Variants in HTR1F observed in about 807,000 individuals in gnomAD.
The protein encoded by HTR1F is 5-hydroxytryptamine (serotonin) receptor 1F, G protein-coupled.
In HTR1F, 17 loss-of-function variants were observed where a neutral mutation model predicts 24.0. The observed-to-expected ratio is 0.71, with a 90% CI of 0.48 to 1.06. HTR1F has a LOEUF of 1.06. Ranked by LOEUF, HTR1F falls within the 50% of genes least tolerant of loss-of-function variation. The pLI is 0.00. For synonymous variants in HTR1F, 186 were observed against 156.8 expected (o/e 1.19, Z -1.39); for missense variants, 391 against 427.8 (o/e 0.91, Z 0.76).
rs1190866484 is a variant in HTR1F, at chr3:87,834,106, T to C, written c.-43+11982T>C. On this transcript the variant is annotated intron_variant, in intron 2 of 2. Transcript: ENST00000319595. ...CTATCTGATAGTACTGTTTGTAATTTATTTCAGTGGTTGTATTTCTAGGAC... is the reference window on the plus strand; with the variant it reads ...CTATCTGATAGTACTGTTTGTAATTCATTTCAGTGGTTGTATTTCTAGGAC... Among the ~76,000 whole-genome samples the C allele has an allele frequency of 3.9e-5, 6 of 152,306 alleles. No individual in the cohort carries two copies. In the East Asian group the frequency reaches 1.2e-3, roughly 29 times the overall value.
intron 2 of HTR1F, among the ~76,000 whole-genome samples, chr3:87,965,169 T>G (rs1187145380): frequency 6.6e-6 from 1 of 152,186 alleles, no homozygotes; most frequent in Non-Finnish European, 1.5e-5. Context: ...TGAAGTCACT[T>G]GTTGATGACC....
At chr3:87,983,587 T>C (rs989086452) in intron 2 of HTR1F, among the ~76,000 whole-genome samples, 26 of 152,190 alleles carry the variant, frequency 1.7e-4, no homozygotes, top group African/African-American at 6.3e-4. Context: ...AATGCTGGCC[T>C]ATTTTCTCAG....
Position 87,874,633 on chromosome 3 carries a change from G to GA in HTR1F, c.-43+52521dup, listed in dbSNP as rs34554143. Among the ~76,000 whole-genome samples, 1,091 of 134,046 alleles carry GA rather than the reference G, an allele frequency of 8.1e-3. 11 individuals carry two copies. Among genetic ancestry groups the GA allele is most frequent in the African/African-American group, 0.022 (857 of 38,538 alleles). 87.9% of individuals were successfully genotyped at this position (134,046 alleles called of 152,430 possible). A position where few individuals can be genotyped will look rare whatever the true frequency, so the allele number is the denominator to read the frequency against. On this transcript the variant is annotated intron_variant, in intron 2 of 2. Coordinates refer to ENST00000319595, the MANE Select transcript of HTR1F (RefSeq NM_001322209.2). ...CTCAAAGCATTTTTCTGCAAAAATA[G>GA]AAAAAAAAAAAACCCTAAAATTAAT...
chr3:87,914,491 T>A (rs1416410687), intron 2 of HTR1F, among the ~76,000 whole-genome samples: 2 of 152,024 alleles, frequency 1.3e-5, no homozygotes, highest in Non-Finnish European at 2.9e-5. Context: ...AAACACACAG[T>A]GCTGTTAGAG....
At chr3:87,938,420 T>C (rs926103254) in intron 2 of HTR1F, among the ~76,000 whole-genome samples, 3 of 152,156 alleles carry the variant, frequency 2.0e-5, no homozygotes, top group Non-Finnish European at 4.4e-5. Context: ...ACATTCTTCA[T>C]GGAACTAGAA....
intron 2 of HTR1F, among the ~76,000 whole-genome samples, chr3:87,937,003 A>G (rs1298146802): frequency 4.6e-5 from 7 of 151,328 alleles, no homozygotes; most frequent in Middle Eastern, 6.9e-3. Flanking sequence ...AACCAAAAAA[A>G]TCCCAGAACC....
chr3:87,853,693 G>A (rs921708173), intron 2 of HTR1F, among the ~76,000 whole-genome samples: 7 of 151,976 alleles, frequency 4.6e-5, no homozygotes, highest in Admixed American at 1.3e-4. Flanking sequence ...GTGTATAAGC[G>A]TTTCTTTTCC....
chr3:87,979,662 T>A (rs1705498835), intron 2 of HTR1F, among the ~76,000 whole-genome samples: 1 of 152,232 alleles, frequency 6.6e-6, no homozygotes, highest in African/African-American at 2.4e-5. Flanking sequence ...GGGCTTGTTC[T>A]GCCCACTCAG....
intron 2 of HTR1F, among the ~76,000 whole-genome samples, chr3:87,954,385 A>G (rs1297832127): frequency 6.6e-6 from 1 of 151,828 alleles, no homozygotes; most frequent in Non-Finnish European, 1.5e-5. Flanking sequence ...GCTGATAAAG[A>G]GATGTATAAT....
chr3:87,846,806 A>G (rs1306412969), intron 2 of HTR1F, among the ~76,000 whole-genome samples: 1 of 151,960 alleles, frequency 6.6e-6, no homozygotes, highest in Non-Finnish European at 1.5e-5. Context: ...CATAAGATTT[A>G]TAGCTTTTGA....
chr3:87,964,583 C>A (rs1342074352), intron 2 of HTR1F, among the ~76,000 whole-genome samples: 1 of 152,094 alleles, frequency 6.6e-6, no homozygotes, highest in African/African-American at 2.4e-5. Context: ...AGTAAATTAA[C>A]TGCTGTATGA....
chr3:87,885,631 G>C (rs917933342), intron 2 of HTR1F, among the ~76,000 whole-genome samples: 1 of 151,810 alleles, frequency 6.6e-6, no homozygotes, highest in Non-Finnish European at 1.5e-5. Context: ...GAATCAAATA[G>C]ACGCAATAAA....
intron 2 of HTR1F, among the ~76,000 whole-genome samples, chr3:87,886,683 G>C (rs952292099): frequency 3.9e-4 from 59 of 151,576 alleles, no homozygotes; most frequent in Non-Finnish European, 7.2e-4. Flanking sequence ...ACAAGCATTC[G>C]TCTACACCAA....
At chr3:87,930,924 G>A (rs1234868055) in intron 2 of HTR1F, among the ~76,000 whole-genome samples, 15 of 150,776 alleles carry the variant, frequency 9.9e-5, no homozygotes, top group Non-Finnish European at 1.8e-4. Flanking sequence ...ACACATCTCA[G>A]TTTTTCATTC....
chr3:87,845,510 G>A (rs1305313486), intron 2 of HTR1F, among the ~76,000 whole-genome samples: 2 of 149,026 alleles, frequency 1.3e-5, no homozygotes, highest in Admixed American at 6.7e-5. Context: ...AAAATACCTA[G>A]GAATCCAACT....
intron 1 of HTR1F, among the ~76,000 whole-genome samples, chr3:87,802,138 TTCCCTCCCTCCCTCTC>T (rs1233465081): frequency 2.0e-5 from 2 of 99,346 alleles, no homozygotes; most frequent in Non-Finnish European, 4.1e-5. Flanking sequence ...CCCTCCCTTC[TTCCCTCCCTCCCTCTC>T]TCCCTCCCTC....
intron 2 of HTR1F, among the ~76,000 whole-genome samples, chr3:87,834,832 A>G (rs1324003802): frequency 1.3e-5 from 2 of 152,246 alleles, no homozygotes. Flanking sequence ...AAGTTTTACT[A>G]GAAAACAGCC....
chr3:87,824,732 C>A (rs1244205224), intron 2 of HTR1F, among the ~76,000 whole-genome samples: 1 of 152,140 alleles, frequency 6.6e-6, no homozygotes, highest in Non-Finnish European at 1.5e-5. Flanking sequence ...CTTTCATAAG[C>A]ACATTATTTC....
intron 2 of HTR1F, among the ~76,000 whole-genome samples, chr3:87,867,438 A>G (rs189622578): frequency 6.6e-5 from 10 of 151,728 alleles, no homozygotes; most frequent in East Asian, 1.9e-4. Flanking sequence ...AAATGGGGGG[A>G]AAAAACAAGA....
Sources: gnomAD v4.1 joint callset for allele counts (sites outside exome capture counted in the v4.1 genomes callset) on GRCh38, gnomAD v4.1.1 for gene constraint, MANE v1.5 for transcripts, NCBI Gene and HGNC (gene_info 2026-07-23, HGNC 2026-07-21) for gene names.